The following RAP1GDS1 variants were observed in gnomAD, a reference collection of about 807,000 sequenced individuals.
The protein encoded by RAP1GDS1 is RAP1, GTP-GDP dissociation stimulator 1.
Under a neutral mutation model 71.1 loss-of-function variants are expected in RAP1GDS1, and 35 were observed. The observed-to-expected ratio is 0.49, with a 90% CI of 0.38 to 0.65. RAP1GDS1 has a LOEUF of 0.65. Ranked by LOEUF, RAP1GDS1 falls within the 30% of genes least tolerant of loss-of-function variation. The probability of loss-of-function intolerance (pLI) is 0.00; values close to 1 mark genes in which losing one functional copy is unlikely to be tolerated. For missense variants in RAP1GDS1, 663 were observed against 706.1 expected, an observed-to-expected ratio of 0.94 and a Z score of 0.69; for synonymous variants, 229 against 243.1, an observed-to-expected ratio of 0.94 and a Z score of 0.54.
At chr4:98,422,559 G>A (rs896014363) in intron 12 of RAP1GDS1, among the ~76,000 whole-genome samples, 2 of 152,102 alleles carry the variant, frequency 1.3e-5, no homozygotes, top group Non-Finnish European at 2.9e-5. Context: ...CATTTCTCTT[G>A]TACAACTTCA....
At chr4:98,338,647 A>G (rs1047598521) in intron 2 of RAP1GDS1, among the ~76,000 whole-genome samples, 2 of 152,068 alleles carry the variant, frequency 1.3e-5, no homozygotes, top group Admixed American at 6.6e-5. Context: ...CCACTTTTTT[A>G]TTGTTCTCAT....
chr4:98,301,507 C>T (rs1728582326), intron 2 of RAP1GDS1, among the ~76,000 whole-genome samples: 1 of 152,102 alleles, frequency 6.6e-6, no homozygotes, highest in African/African-American at 2.4e-5. Context: ...TATTCTTTGT[C>T]TCCAGCATAA....
Position 98,322,269 on chromosome 4 carries a change from GC to G in RAP1GDS1, c.113-20869del, listed in dbSNP as rs1204231832. On this transcript the variant is annotated intron_variant, in intron 2 of 14. Transcript: ENST00000408927. ...ATACAGGAGCACCCAGATTCATAAA[GC>G]AAGTCCTGAGTGACCTACAAAGAGA... 5.8e-4 allele frequency among the ~76,000 whole-genome samples: 17 copies of G among 29,426 alleles called. 1 individual carries two copies. Among genetic ancestry groups the G allele is most frequent in the Non-Finnish European group, 9.8e-4 (17 of 17,332 alleles). The allele number at this position is 29,426 out of a possible 152,430, so 19.3% of individuals were successfully genotyped here. A position where few individuals can be genotyped will look rare whatever the true frequency, so the allele number is the denominator to read the frequency against.
In RAP1GDS1 at chr4:98,392,070, A is replaced by G; in HGVS notation, c.627A>G (p.Leu209=). Residue 209 remains leucine (L), a synonymous_variant, in exon 6 of 15, where the codon TTA becomes TTG. Coordinates refer to ENST00000408927, the MANE Select transcript of RAP1GDS1 (RefSeq NM_001100427.2). ...TGTGTCTTGTTGCATTTGGTAATTT[A>G]GCAGAACTTGGTAAGTCTTAGTCAT... The part of the protein sequence containing the change: ...TEMCLVAFGN[L]AELESSKEQF... 2 of 1,612,218 alleles carry G rather than the reference A, an allele frequency of 1.2e-6. No homozygotes were observed. Among genetic ancestry groups the G allele is most frequent in the Non-Finnish European group, 8.5e-7 (1 of 1,179,222 alleles).
chr4:98,398,611 A>G (rs990353299), intron 6 of RAP1GDS1, among the ~76,000 whole-genome samples: 1 of 152,162 alleles, frequency 6.6e-6, no homozygotes, highest in Non-Finnish European at 1.5e-5. Flanking sequence ...CAAGGAAGAA[A>G]TAAAGGGTGT....
At chr4:98,309,888 C>CAT (rs148917093) in intron 2 of RAP1GDS1, among the ~76,000 whole-genome samples, 242 of 151,244 alleles carry the variant, frequency 1.6e-3, no homozygotes, top group East Asian at 8.7e-3. Flanking sequence ...TATGTATATA[C>CAT]ATATATATAT....
intron 5 of RAP1GDS1, among the ~76,000 whole-genome samples, chr4:98,382,555 A>G (rs936355208): frequency 1.3e-5 from 2 of 151,516 alleles, no homozygotes; most frequent in African/African-American, 4.8e-5. Context: ...CAAGGAACTC[A>G]AACCTTTAAT....
intron 5 of RAP1GDS1, among the ~76,000 whole-genome samples, chr4:98,388,275 A>G (rs1179756449): frequency 6.6e-6 from 1 of 152,194 alleles, no homozygotes; most frequent in Admixed American, 6.5e-5. Flanking sequence ...TAGGAGCTTT[A>G]TTAGTGTTAT....
chr4:98,294,822 T>C (rs760397729), intron 2 of RAP1GDS1, among the ~76,000 whole-genome samples: 33 of 152,120 alleles, frequency 2.2e-4, no homozygotes, highest in Non-Finnish European at 4.6e-4. Context: ...GACCTGATTT[T>C]TTTTTACATG....
In RAP1GDS1 at chr4:98,383,098, G is replaced by A. The variant is rs1048380090; in HGVS notation, c.508+3935G>A. Among the ~76,000 whole-genome samples the A allele has an allele frequency of 7.9e-5, 12 of 151,660 alleles. No homozygotes were observed. The Admixed American group carries it at 7.9e-4, about 10-fold the overall frequency. The stretch of plus-strand genomic sequence containing the variant: ...CACCTTGTTGACAAATCTATTGGTA[G>A]TCACCATTGTTGTAAGTAGATGTAA... On this transcript the variant is annotated intron_variant, in intron 5 of 14. Transcript: ENST00000408927.
intron 2 of RAP1GDS1, among the ~76,000 whole-genome samples, chr4:98,294,477 A>AT (rs1727430298): frequency 6.6e-6 from 1 of 152,230 alleles, no homozygotes; most frequent in African/African-American, 2.4e-5. Context: ...ATTATTTTAG[A>AT]TTACAACTGT....
Position 98,401,352 on chromosome 4 carries a change from A to G in RAP1GDS1, c.638-3125A>G, listed in dbSNP as rs77840929. Among the ~76,000 whole-genome samples the G allele has an allele frequency of 9.9e-3, 1,512 of 152,332 alleles. 20 individuals carry two copies. Among genetic ancestry groups the G allele is most frequent in the African/African-American group, 0.032 (1,351 of 41,578 alleles). ...TACTGAAACACAACTAGTGATATAA[A>G]CAAAATTACATATAATTAGAAAGAT... On this transcript the variant is annotated intron_variant, in intron 6 of 14. Coordinates refer to ENST00000408927, the MANE Select transcript of RAP1GDS1 (RefSeq NM_001100427.2).
intron 7 of RAP1GDS1, among the ~76,000 whole-genome samples, chr4:98,416,334 G>GGT (rs1747983332): frequency 1.9e-4 from 10 of 51,554 alleles, no homozygotes; most frequent in Admixed American, 2.3e-4. Context: ...CATTTTCTTA[G>GGT]TTTTTTTTTT....
chr4:98,375,158 G>C (rs772494088), intron 4 of RAP1GDS1, among the ~76,000 whole-genome samples: 2 of 152,112 alleles, frequency 1.3e-5, no homozygotes, highest in Non-Finnish European at 1.5e-5. Context: ...GAAACCTGTA[G>C]GGGAGGAGGA....
At chr4:98,329,092 C>G (rs900021125) in intron 2 of RAP1GDS1, among the ~76,000 whole-genome samples, 2 of 152,192 alleles carry the variant, frequency 1.3e-5, no homozygotes, top group African/African-American at 4.8e-5. Flanking sequence ...CTTGGTAACA[C>G]AACCAGTGTA....
chr4:98,272,795 C>T (rs1166134527), intron 1 of RAP1GDS1, among the ~76,000 whole-genome samples: 2 of 152,100 alleles, frequency 1.3e-5, no homozygotes, highest in African/African-American at 4.8e-5. Flanking sequence ...ATCCACTTTT[C>T]AGTTGCCATA....
intron 12 of RAP1GDS1, among the ~76,000 whole-genome samples, chr4:98,432,268 TC>T (rs1334215043): frequency 6.6e-6 from 1 of 152,214 alleles, no homozygotes. Flanking sequence ...ACTACACTGG[TC>T]TTTTAAGTGT....
chr4:98,308,528 A>AT (rs201541932), intron 2 of RAP1GDS1, among the ~76,000 whole-genome samples: 1 of 151,212 alleles, frequency 6.6e-6, no homozygotes, highest in African/African-American at 2.4e-5. Context: ...TAAACCACAA[A>AT]TTTTTTGCCG....
At chr4:98,363,478 C>CAACAAAAAAAAAAAAAAAAAAAAAAAA (rs1739046066) in intron 4 of RAP1GDS1, among the ~76,000 whole-genome samples, 1 of 37,734 alleles carries the variant, frequency 2.7e-5, no homozygotes, top group African/African-American at 9.9e-5. Context: ...GACCCTGTCT[C>CAACAAAAAAAAAAAAAAAAAAAAAAAA]AAAAAAAAAA....
Sources: allele counts gnomAD v4.1 joint callset (sites outside exome capture counted in the v4.1 genomes callset), GRCh38; gene constraint gnomAD v4.1.1; transcripts MANE v1.5; gene names NCBI Gene and HGNC (gene_info 2026-07-23, HGNC 2026-07-21).